Variants in PUM1 observed in about 807,000 individuals in gnomAD.
PUM1 encodes the protein pumilio homolog 1.
Under a neutral mutation model 131.8 loss-of-function variants are expected in PUM1, and 13 were observed. The observed-to-expected ratio is 0.10, with a 90% CI of 0.06 to 0.16. The LOEUF (loss-of-function observed/expected upper bound fraction) is 0.16. Among genes scored for constraint, PUM1 ranks in the 10% least tolerant of loss-of-function variants. PUM1 has a pLI of 1.00. For missense variants in PUM1, 961 were observed against 1,512.4 expected, an observed-to-expected ratio of 0.64 and a Z score of 6.05; for synonymous variants, 509 against 556.5, an observed-to-expected ratio of 0.91 and a Z score of 1.20.
intron 5 of PUM1, among the ~76,000 whole-genome samples, chr1:30,995,490 T>C (rs1172535142): frequency 6.6e-6 from 1 of 152,148 alleles, no homozygotes; most frequent in Non-Finnish European, 1.5e-5. Flanking sequence ...TTCCTTCCTT[T>C]TTTTTCTTCC....
rs1005101862 is a variant in PUM1, at chr1:30,995,331, G to GC, written c.721-112dup. 1.7e-5 allele frequency: 20 copies of GC among 1,151,316 alleles called. No individual in the cohort carries two copies. The Admixed American group carries it at 3.8e-4, about 22-fold the overall frequency. 71.3% of individuals were successfully genotyped at this position (1,151,316 alleles called of 1,614,324 possible). A position where few individuals can be genotyped will look rare whatever the true frequency, so the allele number is the denominator to read the frequency against. ...GCTACTCAGAAGAGGATAGTGTTGT[G>GC]CCCTTTCACACATTACAATCTAATT... On this transcript the variant is annotated intron_variant, in intron 5 of 21. Transcript: ENST00000426105.
intron 14 of PUM1, among the ~76,000 whole-genome samples, chr1:30,959,532 T>C (rs1394262388): frequency 6.6e-6 from 1 of 151,952 alleles, no homozygotes; most frequent in South Asian, 2.1e-4. Flanking sequence ...GAATGCAGGA[T>C]TGGATTAATA....
intron 3 of PUM1, among the ~76,000 whole-genome samples, chr1:31,019,318 C>G (rs554718382): frequency 1.6e-4 from 25 of 152,170 alleles, no homozygotes; most frequent in Non-Finnish European, 3.4e-4. Flanking sequence ...TGCCGCTGCG[C>G]TCCAGCCTGG....
At chr1:31,020,146 C>G (rs1642969503) in intron 3 of PUM1, among the ~76,000 whole-genome samples, 1 of 152,156 alleles carries the variant, frequency 6.6e-6, no homozygotes, top group Admixed American at 6.5e-5. Flanking sequence ...TTCCCACTTA[C>G]AAGTGAGAAC....
At chr1:31,062,675 C>T (rs565248717) in intron 1 of PUM1, among the ~76,000 whole-genome samples, 1 of 151,992 alleles carries the variant, frequency 6.6e-6, no homozygotes, top group Admixed American at 6.6e-5. Flanking sequence ...TTAGGACACA[C>T]CTGTCCACAG....
chr1:31,011,164 T>TACACACATACACAC (rs1642601431), intron 3 of PUM1, among the ~76,000 whole-genome samples: 1 of 142,976 alleles, frequency 7.0e-6, no homozygotes, highest in African/African-American at 2.7e-5. Context: ...TCTCTTAAAA[T>TACACACATACACAC]ACACACACAC....
At chr1:31,032,799 C>T (rs923174092) in intron 2 of PUM1, among the ~76,000 whole-genome samples, 2 of 151,876 alleles carry the variant, frequency 1.3e-5, no homozygotes, top group African/African-American at 4.8e-5. Flanking sequence ...AGAGGGAGAC[C>T]CTGTTTCAAA....
intron 2 of PUM1, among the ~76,000 whole-genome samples, chr1:31,031,048 T>C (rs1643410667): frequency 6.6e-6 from 1 of 152,184 alleles, no homozygotes; most frequent in South Asian, 2.1e-4. Flanking sequence ...TCATTTTACA[T>C]GGTGTTTAGA....
chr1:30,942,190 T>G (rs1395417670), intron 18 of PUM1, 67 bp from the exon 19 acceptor site: 13 of 175,382 alleles, frequency 7.4e-5, no homozygotes, highest in Admixed American at 8.6e-5. Context: ...TTCAGTATTG[T>G]TTATATATAT....
intron 2 of PUM1, among the ~76,000 whole-genome samples, chr1:31,042,062 T>C (rs1348928378): frequency 6.6e-6 from 1 of 152,096 alleles, no homozygotes; most frequent in African/African-American, 2.4e-5. Context: ...CCCAGGACTT[T>C]GGGAGGCCGA....
chr1:30,937,400 G>C (rs1639255455), intron 20 of PUM1, among the ~76,000 whole-genome samples: 2 of 152,210 alleles, frequency 1.3e-5, no homozygotes, highest in South Asian at 4.1e-4. Flanking sequence ...CAGCTACTTG[G>C]GAGGTTGAGG....
chr1:31,043,135 G>T (rs1004388511), intron 2 of PUM1, among the ~76,000 whole-genome samples: 2 of 152,064 alleles, frequency 1.3e-5, no homozygotes, highest in Admixed American at 6.6e-5. Flanking sequence ...CTTAAAAGTG[G>T]TATCTCCCTA....
intron 2 of PUM1, among the ~76,000 whole-genome samples, chr1:31,033,324 C>T (rs1032249654): frequency 1.3e-5 from 2 of 151,214 alleles, no homozygotes; most frequent in African/African-American, 4.9e-5. Flanking sequence ...CCCATCTCAG[C>T]CTCCTGAGCA....
chr1:30,955,387 C>T (rs1357934259), intron 14 of PUM1, among the ~76,000 whole-genome samples: 1 of 151,024 alleles, frequency 6.6e-6, no homozygotes, highest in East Asian at 1.9e-4. Flanking sequence ...GAATGGCGAA[C>T]CCCGGAGGCA....
chr1:30,981,095 G>C (rs1410318175), intron 8 of PUM1, among the ~76,000 whole-genome samples: 1 of 152,176 alleles, frequency 6.6e-6, no homozygotes, highest in Non-Finnish European at 1.5e-5. Flanking sequence ...TAGGGCAATG[G>C]CTGAACACTG....
At chr1:30,981,704 G>GATATCT (rs968116904) in intron 7 of PUM1, among the ~76,000 whole-genome samples, 20 of 147,972 alleles carry the variant, frequency 1.4e-4, no homozygotes, top group South Asian at 2.2e-4. Context: ...ACACATATGA[G>GATATCT]ATATCTATAT....
chr1:30,995,937 G>C (rs1437109010), intron 5 of PUM1, among the ~76,000 whole-genome samples: 1 of 152,052 alleles, frequency 6.6e-6, no homozygotes, highest in Non-Finnish European at 1.5e-5. Flanking sequence ...ACCATCTACT[G>C]GTAACAAAGA....
At chr1:31,021,432 C>T (rs564536530) in intron 3 of PUM1, among the ~76,000 whole-genome samples, 17 of 152,258 alleles carry the variant, frequency 1.1e-4, no homozygotes, top group Admixed American at 1.1e-3. Flanking sequence ...AAAGAGGAAA[C>T]TATGCTTAGG....
At chr1:31,052,460 C>A (rs2124591147) in intron 2 of PUM1, among the ~76,000 whole-genome samples, 1 of 151,422 alleles carries the variant, frequency 6.6e-6, no homozygotes, top group African/African-American at 2.4e-5. Context: ...GGCTGGAGTG[C>A]CTGAACTCCC....
Sources: gnomAD v4.1 joint callset for allele counts (sites outside exome capture counted in the v4.1 genomes callset) on GRCh38, gnomAD v4.1.1 for gene constraint, MANE v1.5 for transcripts, NCBI Gene and HGNC (gene_info 2026-07-23, HGNC 2026-07-21) for gene names.